The following ZNF611 variants were observed in gnomAD, a reference collection of about 807,000 sequenced individuals.
ZNF611 encodes zinc finger protein 611.
ZNF611 carries 6 observed loss-of-function variants against 8.9 expected under a neutral mutation model. The observed-to-expected ratio is 0.68, with a 90% confidence interval of 0.37 to 1.34. The LOEUF is 1.34. Among genes scored for constraint, ZNF611 ranks in the 40% most tolerant of loss-of-function variants. The pLI is 0.02. For missense variants in ZNF611, 874 were observed against 841.3 expected (o/e 1.04, Z -0.48); for synonymous variants, 262 against 279.7 (o/e 0.94, Z 0.63).
At chr19:52,711,762 G>T (rs576971818) in intron 5 of ZNF611, among the ~76,000 whole-genome samples, 39 of 152,194 alleles carry the variant, frequency 2.6e-4, no homozygotes, top group African/African-American at 6.3e-4. Context: ...ACTTACTCAG[G>T]GAGAGTAGTG....
In ZNF611 at chr19:52,705,906, T is replaced by C. The variant is rs1219177754; in HGVS notation, c.1149A>G (p.Ser383=). 5.0e-6 allele frequency: 8 copies of C among 1,614,224 alleles called. No homozygotes were observed. Among genetic ancestry groups the C allele is most frequent in the Non-Finnish European group, 6.8e-6 (8 of 1,180,032 alleles). The part of the protein sequence containing the change: ...EECDKVFSRK[S]TIETHKRIHT... ...GAATTCTCTTATGTGTCTCAATGGT[T>C]GATTTCCGACTGAAAACTTTGTCAC... is the stretch of plus-strand genomic sequence containing the variant. Residue 383 remains serine, a synonymous_variant, in exon 6 of 6, where the codon TCA becomes TCG. Transcript: ENST00000652185.
chr19:52,711,709 A>G lies in ZNF611; in HGVS notation c.190+2306T>C, dbSNP rs370538609. On this transcript the variant is annotated intron_variant, in intron 5 of 5. Coordinates refer to ENST00000652185, the MANE Select transcript of ZNF611 (RefSeq NM_001161499.2). ...ATGATGTCCTGCACACACTGATTTA[A>G]GCGGCCTCCTATAATTTTGTCCAGT... 1.9e-3 allele frequency among the ~76,000 whole-genome samples: 289 copies of G among 151,922 alleles called. 2 individuals carry two copies. The highest frequency in any genetic ancestry group is 6.4e-3 in the African/African-American group (262 of 41,186).
chr19:52,715,045 T>C (rs140849761), intron 4 of ZNF611, among the ~76,000 whole-genome samples: 1 of 152,218 alleles, frequency 6.6e-6, no homozygotes, highest in Non-Finnish European at 1.5e-5. Context: ...AATACAGGGT[T>C]TTCTCTATAG....
At chr19:52,711,597 A>T (rs1210907764) in intron 5 of ZNF611, among the ~76,000 whole-genome samples, 1 of 151,898 alleles carries the variant, frequency 6.6e-6, no homozygotes, top group African/African-American at 2.4e-5. Context: ...ATCAAGGGGG[A>T]TACAAGGACT....
intron 3 of ZNF611, among the ~76,000 whole-genome samples, chr19:52,726,941 C>G (rs79499051): frequency 6.6e-6 from 1 of 152,140 alleles, no homozygotes; most frequent in Non-Finnish European, 1.5e-5. Context: ...TCATGGCCCA[C>G]TGCAGCCTCT....
At chr19:52,710,203 A>G (rs1411947627) in intron 5 of ZNF611, among the ~76,000 whole-genome samples, 2 of 149,660 alleles carry the variant, frequency 1.3e-5, no homozygotes, top group Non-Finnish European at 3.0e-5. Context: ...GGGAGTACAG[A>G]CACATGCCAC....
In ZNF611 at chr19:52,713,334, A is replaced by G. The variant is rs150507274; in HGVS notation, c.190+681T>C. Among the ~76,000 whole-genome samples the G allele has an allele frequency of 5.3e-3, 814 of 152,306 alleles. 10 individuals are homozygous for G. The highest frequency in any genetic ancestry group is 0.019 in the African/African-American group (772 of 41,570). On this transcript the variant is annotated intron_variant, in intron 5 of 5. Coordinates refer to ENST00000652185, the MANE Select transcript of ZNF611 (RefSeq NM_001161499.2). Reference sequence around the variant, plus strand: ...TTCCTCAATAAGATTGATGAAAACCATATCTCTTACAGGGTTGATCCTACA... The same window carrying G: ...TTCCTCAATAAGATTGATGAAAACCGTATCTCTTACAGGGTTGATCCTACA...
intron 3 of ZNF611, chr19:52,724,097 TTTCA>T (rs1225917310): frequency 6.6e-6 from 1 of 152,260 alleles, no homozygotes; most frequent in South Asian, 2.1e-4. Flanking sequence ...GGGCTATCTC[TTTCA>T]CTAACCGTCC....
In ZNF611 at chr19:52,704,631, C is replaced by T. The variant is rs2147413162; in HGVS notation, c.*306G>A. 1 of 1,587,926 alleles carries T rather than the reference C, an allele frequency of 6.3e-7. No individual in the cohort carries two copies. Among genetic ancestry groups the T allele is most frequent in the East Asian group, 2.2e-5 (1 of 44,752 alleles). On this transcript the variant is annotated 3_prime_UTR_variant, in exon 6 of 6. Transcript: ENST00000652185. ...AAGATCTCTCTTCATTATGGATTCT[C>T]CAATGATTTGTAATCGTTGTAGCAT...
intron 5 of ZNF611, chr19:52,708,852 A>G (rs1288851627): frequency 6.6e-6 from 1 of 152,192 alleles, no homozygotes; most frequent in Non-Finnish European, 1.5e-5. Flanking sequence ...AAAATAAACA[A>G]AGGAAGAAAG....
chr19:52,731,080 G>A (rs1372053127), intron 1 of ZNF611, among the ~76,000 whole-genome samples: 1 of 151,624 alleles, frequency 6.6e-6, no homozygotes, highest in African/African-American at 2.4e-5. Context: ...TGGGGGTGGG[G>A]GAGACAGAGT....
chr19:52,710,276 G>T (rs1273968603), intron 5 of ZNF611, among the ~76,000 whole-genome samples: 2 of 150,670 alleles, frequency 1.3e-5, no homozygotes, highest in African/African-American at 4.9e-5. Context: ...TGTCACCCGG[G>T]ATGGAGTAAG....
At chr19:52,716,883 C>A (rs978053609) in intron 3 of ZNF611, among the ~76,000 whole-genome samples, 2 of 152,042 alleles carry the variant, frequency 1.3e-5, no homozygotes, top group African/African-American at 4.8e-5. Flanking sequence ...ATGGTGAAAC[C>A]ACATCTCTAC....
chr19:52,707,119 A>G (rs772332629), intron 5 of ZNF611, among the ~76,000 whole-genome samples: 5 of 152,074 alleles, frequency 3.3e-5, no homozygotes, highest in African/African-American at 9.7e-5. Context: ...GTAAGCCTAA[A>G]GTAAGGAGTA....
intron 5 of ZNF611, among the ~76,000 whole-genome samples, chr19:52,712,560 C>T (rs2062288017): frequency 6.8e-6 from 1 of 148,068 alleles, no homozygotes; most frequent in African/African-American, 2.5e-5. Context: ...ATTGCTTGAA[C>T]CCAGGAGGCA....
At chr19:52,714,653 C>A (rs2547950) in intron 4 of ZNF611, among the ~76,000 whole-genome samples, 79,775 of 120,210 alleles carry the variant, frequency 0.66, 27,156 homozygotes, top group African/African-American at 0.82. Context: ...GCACCACTGC[C>A]CTCCATCCTG....
chr19:52,706,599 A>C lies in ZNF611; in HGVS notation c.456T>G (p.Ile152Met). 6.2e-7 allele frequency: 1 copy of C among 1,614,108 alleles called. No individual in the cohort carries two copies. The highest frequency in any genetic ancestry group is 2.2e-5 in the East Asian group (1 of 44,874). The change falls in exon 6 of 6, where the codon ATT (isoleucine) becomes ATG (methionine). Residue 152 changes from isoleucine to methionine, a missense_variant. Ile to Met is a conservative substitution (Grantham distance 10). Coordinates refer to ENST00000652185, the MANE Select transcript of ZNF611 (RefSeq NM_001161499.2). ...HDHRHAGNKP[I>M]KDQLGSSFYS... is the part of the protein sequence containing the mutation. ...AAAAGCTTGATCCAAGCTGATCTTT[A>C]ATAGGCTTGTTTCCAGCATGCCTGT...
At chr19:52,725,851 G>C (rs936105080) in intron 3 of ZNF611, among the ~76,000 whole-genome samples, 1 of 152,140 alleles carries the variant, frequency 6.6e-6, no homozygotes, top group Admixed American at 6.5e-5. Context: ...GGCGCGAGGC[G>C]GAGAGACCTT....
At chr19:52,717,362 A>G (rs1290891797) in intron 3 of ZNF611, among the ~76,000 whole-genome samples, 2 of 152,204 alleles carry the variant, frequency 1.3e-5, no homozygotes, top group Non-Finnish European at 2.9e-5. Flanking sequence ...GGACCTAGAA[A>G]AGAAAGGCTG....
Sources: gnomAD v4.1 joint callset for allele counts (sites outside exome capture counted in the v4.1 genomes callset) on GRCh38, gnomAD v4.1.1 for gene constraint, MANE v1.5 for transcripts, NCBI Gene and HGNC (gene_info 2026-07-23, HGNC 2026-07-21) for gene names.